NCOA4: variants seen among roughly 807,000 people sequenced by gnomAD.
The protein encoded by NCOA4 is 70 kDa AR-activator.
NCOA4 carries 31 observed loss-of-function variants against 69.5 expected under a neutral mutation model. The ratio of observed to expected loss-of-function variants is 0.45; its 90% CI spans 0.34 to 0.60. The LOEUF is 0.60. NCOA4 is among the 20% of genes least tolerant of loss of function. NCOA4 has a pLI of 0.02. For missense variants in NCOA4, 600 were observed against 719.2 expected, an observed-to-expected ratio of 0.83 and a Z score of 1.90; for synonymous variants, 228 against 252.4, an observed-to-expected ratio of 0.90 and a Z score of 0.92.
At chr10:46,012,558 C>T (rs1241924821) in intron 7 of NCOA4, among the ~76,000 whole-genome samples, 1 of 151,736 alleles carries the variant, frequency 6.6e-6, no homozygotes, top group Non-Finnish European at 1.5e-5. Context: ...CCTACCGAAA[C>T]AGGACTTACA....
chr10:46,024,864 G>A (rs111605714), intron 1 of NCOA4, among the ~76,000 whole-genome samples: 356 of 152,292 alleles, frequency 2.3e-3, no homozygotes, highest in Non-Finnish European at 4.5e-3. Flanking sequence ...CTCCCCATTT[G>A]CCTACAGGAT....
chr10:46,030,053 CTAGAAATGGAT>C (rs1157391860), intron 1 of NCOA4, among the ~76,000 whole-genome samples: 3 of 152,226 alleles, frequency 2.0e-5, no homozygotes, highest in Non-Finnish European at 4.4e-5. Flanking sequence ...ACCTGACAAG[CTAGAAATGGAT>C]TATGTTCTGT....
Position 46,030,333 on chromosome 10 carries a change from C to G in NCOA4, c.-15+193G>C, listed in dbSNP as rs185613511. ...CGTAGGCCCGGGCCCGGCGTGTGGC[C>G]GGAAGGGGAGAAGACAGGCCCGGGC... On this transcript the variant is annotated intron_variant, in intron 1 of 9. Transcript: ENST00000581486. 4.7e-3 allele frequency among the ~76,000 whole-genome samples: 708 copies of G among 149,916 alleles called. 5 individuals are homozygous for G. The highest frequency in any genetic ancestry group is 0.019 in the East Asian group (95 of 5,046).
intron 1 of NCOA4, among the ~76,000 whole-genome samples, chr10:46,017,749 G>GA (rs1554923605): frequency 6.6e-6 from 1 of 152,106 alleles, no homozygotes; most frequent in Admixed American, 6.5e-5. Context: ...GTTTAGGAGC[G>GA]AAAGGAAACA....
intron 7 of NCOA4, among the ~76,000 whole-genome samples, chr10:46,012,098 A>ACG (rs554982078): frequency 2.2e-4 from 29 of 133,532 alleles, no homozygotes; most frequent in African/African-American, 7.9e-4. Flanking sequence ...AAAAAAAAAA[A>ACG]AAAAACGAAA....
Position 46,006,545 on chromosome 10 carries a change from G to C in NCOA4, c.*47C>G, listed in dbSNP as rs782295183. The C allele has an allele frequency of 6.2e-7, 1 of 1,610,030 alleles. No individual in the cohort carries two copies. Among genetic ancestry groups the C allele is most frequent in the Non-Finnish European group, 8.5e-7 (1 of 1,176,950 alleles). On this transcript the variant is annotated 3_prime_UTR_variant, in exon 10 of 10. Coordinates refer to ENST00000581486, the MANE Select transcript of NCOA4 (RefSeq NM_001145263.2). ...GGCAAGCTGCAGTCACTCAGCTCAT[G>C]ATGTGTGATAATCAGCAGAAAGGCT... is the stretch of plus-strand genomic sequence containing the variant.
Position 46,006,572 on chromosome 10 carries a change from C to G in NCOA4, c.*20G>C. ...TGTGTGATAATCAGCAGAAAGGCTG[C>G]TCAACTCTTGTCCATTCCTTCACAT... On this transcript the variant is annotated 3_prime_UTR_variant, in exon 10 of 10. Transcript: ENST00000581486. The G allele has an allele frequency of 6.2e-7, 1 of 1,613,856 alleles. No homozygotes were observed. Among genetic ancestry groups the G allele is most frequent in the Non-Finnish European group, 8.5e-7 (1 of 1,179,854 alleles).
chr10:46,008,011 G>A (rs1252804650), intron 9 of NCOA4, among the ~76,000 whole-genome samples: 2 of 152,208 alleles, frequency 1.3e-5, no homozygotes, highest in Non-Finnish European at 2.9e-5. Flanking sequence ...CCTGTTCACA[G>A]CATGGTTTAC....
At chr10:46,009,896 G>A (rs1399292076) in intron 8 of NCOA4, among the ~76,000 whole-genome samples, 1 of 152,176 alleles carries the variant, frequency 6.6e-6, no homozygotes, top group African/African-American at 2.4e-5. Flanking sequence ...GCTGGGTGTG[G>A]TGGATCACGC....
intron 1 of NCOA4, among the ~76,000 whole-genome samples, chr10:46,027,066 C>A (rs572041283): frequency 1.2e-4 from 18 of 152,210 alleles, no homozygotes; most frequent in Admixed American, 2.6e-4. Flanking sequence ...GTCAGGAGAT[C>A]AAGACCATCC....
intron 1 of NCOA4, among the ~76,000 whole-genome samples, chr10:46,021,948 G>A (rs1467366128): frequency 6.6e-6 from 1 of 151,988 alleles, no homozygotes; most frequent in Non-Finnish European, 1.5e-5. Context: ...CAACAGGAGC[G>A]AAATTCCATC....
intron 7 of NCOA4, among the ~76,000 whole-genome samples, chr10:46,011,718 A>G (rs552162578): frequency 1.1e-4 from 16 of 152,298 alleles, no homozygotes; most frequent in African/African-American, 3.9e-4. Flanking sequence ...AAAAATAAGC[A>G]AAGGATATGA....
chr10:46,006,660 G>C, intron 9 of NCOA4, 63 bp from the exon 10 acceptor site: 1 of 1,520,694 alleles, frequency 6.6e-7, no homozygotes, highest in Non-Finnish European at 9.1e-7. Context: ...AATTTTCCCT[G>C]CCTTAAAGCT....
rs782616407 is a variant in NCOA4 at position 46,010,663 on chromosome 10, C to A, written c.1258G>T (p.Glu420Ter). ...CTSFAECVCD[E>*]NCEKEALYKW... ...TACAGAGCCTCCTTCTCACAATTCT[C>A]ATCACACACACACTCTGCAAAGCTT... Residue 420 changes from glutamate to a stop codon, truncating the protein, a stop_gained, in exon 8 of 10, where the codon GAG (glutamate) becomes TAG (stop). Coordinates refer to ENST00000581486, the MANE Select transcript of NCOA4 (RefSeq NM_001145263.2). LOFTEE classifies it high-confidence loss of function. 7 of 1,614,202 alleles carry A rather than the reference C, an allele frequency of 4.3e-6. No individual in the cohort carries two copies.
At chr10:46,012,087 A>AAAAAAAAAAAAAAAAC (rs1839258431) in intron 7 of NCOA4, among the ~76,000 whole-genome samples, 1 of 138,898 alleles carries the variant, frequency 7.2e-6, no homozygotes, top group Admixed American at 7.0e-5. Flanking sequence ...AAAAAAAAAA[A>AAAAAAAAAAAAAAAAC]AAAAAAAAAA....
In NCOA4 at chr10:46,006,048, A is replaced by G. The variant is rs1554919564; in HGVS notation, c.*544T>C. ...ATAATTAATGTCAAAAATTGCCAAGATTATTAATATATATTTTGGTAATCA... is the reference window on the plus strand; with the variant it reads ...ATAATTAATGTCAAAAATTGCCAAGGTTATTAATATATATTTTGGTAATCA... On this transcript the variant is annotated 3_prime_UTR_variant, in exon 10 of 10. Coordinates refer to ENST00000581486, the MANE Select transcript of NCOA4 (RefSeq NM_001145263.2). 4.9e-6 allele frequency: 1 copy of G among 205,740 alleles called. No homozygotes were observed. The highest frequency in any genetic ancestry group is 2.3e-5 in the African/African-American group (1 of 43,846). 12.7% of individuals were successfully genotyped at this position (205,740 alleles called of 1,614,324 possible).
chr10:46,015,170 G>A lies in NCOA4; in HGVS notation c.238C>T (p.Leu80Phe), dbSNP rs1554922863. The change falls in exon 3 of 10, where the codon CTT becomes TTT. Residue 80 changes from leucine to phenylalanine, a missense_variant. By Grantham distance (22) the Leu-to-Phe change is conservative. Transcript: ENST00000581486. ...LYEQVDLIYQ[L>F]KEETLQQQAQ... is the part of the protein sequence containing the mutation. ...TGCTGTTGAAGTGTCTCCTCTTTAA[G>A]CTGATAAATAAGGTCCACCTGTTCA... 4 of 1,614,168 alleles carry A rather than the reference G, an allele frequency of 2.5e-6. No homozygotes were observed. The highest frequency in any genetic ancestry group is 4.5e-5 in the East Asian group (2 of 44,888).
Position 46,019,517 on chromosome 10 carries a change from A to G in NCOA4, c.-14-2823T>C, listed in dbSNP as rs76257940. The G allele has an allele frequency of 3.5e-4, 347 of 985,448 alleles. 3 individuals are homozygous for G. The East Asian group carries it at 0.019, about 53-fold the overall frequency. The allele number at this position is 985,448 out of a possible 1,614,324, so 61.0% of individuals were successfully genotyped here. A position where few individuals can be genotyped will look rare whatever the true frequency, so the allele number is the denominator to read the frequency against. On this transcript the variant is annotated intron_variant, in intron 1 of 9. Transcript: ENST00000581486. ...TGTGTGGAATGCCACAATGCCTGGC[A>G]CAGTGTAAAATTGAATCAATAAAAT...
intron 1 of NCOA4, among the ~76,000 whole-genome samples, chr10:46,020,957 G>C (rs1476968382): frequency 6.6e-6 from 1 of 152,180 alleles, no homozygotes; most frequent in Non-Finnish European, 1.5e-5. Flanking sequence ...CCTGCCTCTA[G>C]TATCCCTGTC....
Sources: allele counts gnomAD v4.1 joint callset (sites outside exome capture counted in the v4.1 genomes callset), GRCh38; gene constraint gnomAD v4.1.1; transcripts MANE v1.5; gene names NCBI Gene and HGNC (gene_info 2026-07-23, HGNC 2026-07-21).